ZNF518B: variants seen among roughly 807,000 people sequenced by gnomAD.
The protein encoded by ZNF518B is zinc finger protein 518B.
In ZNF518B, 23 loss-of-function variants were observed where a neutral mutation model predicts 56.3. The ratio of observed to expected loss-of-function variants is 0.41; its 90% CI spans 0.29 to 0.58. The LOEUF (loss-of-function observed/expected upper bound fraction) is 0.58. ZNF518B is among the 20% of genes least tolerant of loss of function. The probability of loss-of-function intolerance (pLI) is 0.32; values close to 1 mark genes in which losing one functional copy is unlikely to be tolerated. For synonymous variants in ZNF518B, 529 were observed against 465.9 expected, an observed-to-expected ratio of 1.14 and a Z score of -1.74; for missense variants, 1,460 against 1,272.1, an observed-to-expected ratio of 1.15 and a Z score of -2.25.
rs1577220987 is a variant in ZNF518B at position 10,444,575 on chromosome 4, G to A, written c.1754C>T (p.Thr585Ile). The A allele has an allele frequency of 5.6e-6, 9 of 1,614,008 alleles. No individual in the cohort carries two copies. Among genetic ancestry groups the A allele is most frequent in the Non-Finnish European group, 7.6e-6 (9 of 1,180,022 alleles). Reference sequence around the variant, plus strand: ...ATGTTGAGAGGAAATCTGGCCTACAGTTGAAACTGCCTTGTGTTCCTCTGT... The same window carrying A: ...ATGTTGAGAGGAAATCTGGCCTACAATTGAAACTGCCTTGTGTTCCTCTGT... The part of the protein sequence containing the change: ...NQTEEHKAVS[T>I]VGQISSQHKS... The change falls in exon 3 of 3, where the codon ACT becomes ATT. Residue 585 changes from threonine to isoleucine, a missense_variant. By Grantham distance (89) the Thr-to-Ile change is moderately conservative. Coordinates refer to ENST00000326756, the MANE Select transcript of ZNF518B (RefSeq NM_053042.3).
At chr4:10,458,325 T>C (rs990480047), upstream of ZNF518B, among the ~76,000 whole-genome samples, 1 of 152,030 alleles carries the variant, frequency 6.6e-6, no homozygotes, top group Admixed American at 6.5e-5. Context: ...AGCTAAAGTT[T>C]ATTTCAAAGC....
At chr4:10,448,581 T>C (rs1715169261) in intron 2 of ZNF518B, among the ~76,000 whole-genome samples, 1 of 151,980 alleles carries the variant, frequency 6.6e-6, no homozygotes, top group South Asian at 2.1e-4. Context: ...AATCAAGCCC[T>C]CAGTCAGACT....
Position 10,446,218 on chromosome 4 carries a change from T to A in ZNF518B, c.111A>T (p.Arg37Ser). 6.2e-7 allele frequency: 1 copy of A among 1,614,190 alleles called. No individual in the cohort carries two copies. Among genetic ancestry groups the A allele is most frequent in the Non-Finnish European group, 8.5e-7 (1 of 1,180,026 alleles). The change falls in exon 3 of 3, where the codon AGA becomes AGT. Residue 37 changes from arginine to serine, a missense_variant. Coordinates refer to ENST00000326756, the MANE Select transcript of ZNF518B (RefSeq NM_053042.3). Reference sequence around the variant, plus strand: ...GATACAAAAGGGTTTGTGCTTCTTGTCTATTTGGCCGAGGTGCTCCATTAG... The same window carrying A: ...GATACAAAAGGGTTTGTGCTTCTTGACTATTTGGCCGAGGTGCTCCATTAG... ...PDANGAPRPNRQEAQTLLYQG... is the reference protein window; with the variant it reads ...PDANGAPRPNSQEAQTLLYQG...
In ZNF518B at chr4:10,442,972, T is replaced by C; in HGVS notation, c.*132A>G. The C allele has an allele frequency of 2.5e-6, 2 of 804,960 alleles. No homozygotes were observed. The highest frequency in any genetic ancestry group is 1.9e-6 in the Non-Finnish European group (1 of 526,666). The allele number at this position is 804,960 out of a possible 1,614,324, so 49.9% of individuals were successfully genotyped here. A position where few individuals can be genotyped will look rare whatever the true frequency, so the allele number is the denominator to read the frequency against. On this transcript the variant is annotated 3_prime_UTR_variant, in exon 3 of 3. Coordinates refer to ENST00000326756, the MANE Select transcript of ZNF518B (RefSeq NM_053042.3). The stretch of plus-strand genomic sequence containing the variant: ...TCAGGTTCAGACTCCTAGCTCCCAA[T>C]ATTCCTACAGTTCTGAAGAATTAGC...
rs78432726 is a variant in ZNF518B, at chr4:10,454,790, G to A, written c.-212+15C>T. 0.055 allele frequency: 8,421 copies of A among 152,322 alleles called. 314 individuals are homozygous for A. Among genetic ancestry groups the A allele is most frequent in the Admixed American group, 0.12 (1,781 of 15,294 alleles). The allele number at this position is 152,322 out of a possible 1,614,324, so 9.4% of individuals were successfully genotyped here. A position where few individuals can be genotyped will look rare whatever the true frequency, so the allele number is the denominator to read the frequency against. Reference sequence around the variant, plus strand: ...CCATAGTCAGTATCTGCTGCCACTTGAGCACTGTTCTTACTTCCTGCCTGT... The same window carrying A: ...CCATAGTCAGTATCTGCTGCCACTTAAGCACTGTTCTTACTTCCTGCCTGT... On this transcript the variant is annotated intron_variant, in intron 2 of 2. Transcript: ENST00000326756.
In ZNF518B at chr4:10,446,339, T is replaced by C; in HGVS notation, c.-11A>G. 2 of 1,584,070 alleles carry C rather than the reference T, an allele frequency of 1.3e-6. No individual in the cohort carries two copies. Among genetic ancestry groups the C allele is most frequent in the Non-Finnish European group, 1.7e-6 (2 of 1,164,576 alleles). On this transcript the variant is annotated 5_prime_UTR_variant, in exon 3 of 3. It removes an upstream start codon present in the reference 5' UTR. Coordinates refer to ENST00000326756, the MANE Select transcript of ZNF518B (RefSeq NM_053042.3). ...TCCAATATCCTTCATCTTATCTGCATTTCTAAAAAGAGCCAACTAAAATTC... is the reference window on the plus strand; with the variant it reads ...TCCAATATCCTTCATCTTATCTGCACTTCTAAAAAGAGCCAACTAAAATTC...
Position 10,445,046 on chromosome 4 carries a change from T to A in ZNF518B, c.1283A>T (p.Gln428Leu), listed in dbSNP as rs1043517429. The change falls in exon 3 of 3, where the codon CAG becomes CTG. Residue 428 changes from glutamine to leucine, a missense_variant. Gln to Leu is a moderately radical substitution (Grantham distance 113). Coordinates refer to ENST00000326756, the MANE Select transcript of ZNF518B (RefSeq NM_053042.3). The part of the protein sequence containing the change: ...IDSFQPSVQK[Q>L]LKNVKWVRSY... Reference sequence around the variant, plus strand: ...CCTTACCCATTTCACATTTTTAAGCTGTTTCTGAACTGAAGGTTGAAAACT... The same window carrying A: ...CCTTACCCATTTCACATTTTTAAGCAGTTTCTGAACTGAAGGTTGAAAACT... 1 of 1,614,236 alleles carries A rather than the reference T, an allele frequency of 6.2e-7. No individual in the cohort carries two copies.
intron 2 of ZNF518B, 148 bp from the exon 3 acceptor site, chr4:10,446,687 A>G (rs991084802): frequency 6.8e-5 from 13 of 192,036 alleles, no homozygotes; most frequent in Non-Finnish European, 1.2e-4. Flanking sequence ...ATAACACAAC[A>G]GAGTTGGCAA....
chr4:10,456,938 A>T (rs894761209), intron 1 of ZNF518B, among the ~76,000 whole-genome samples: 3 of 150,032 alleles, frequency 2.0e-5, no homozygotes, highest in Admixed American at 1.3e-4. Context: ...GGACGCTGCC[A>T]CCCCCGCCTC....
Position 10,445,020 on chromosome 4 carries a change from A to C in ZNF518B, c.1309T>G (p.Ser437Ala). 6.2e-7 allele frequency: 1 copy of C among 1,614,190 alleles called. No homozygotes were observed. The highest frequency in any genetic ancestry group is 1.7e-5 in the Admixed American group (1 of 60,024). Residue 437 changes from serine (S) to alanine (A), a missense_variant, in exon 3 of 3, where the codon TCT becomes GCT. Ser to Ala is a moderately conservative substitution (Grantham distance 99, BLOSUM62 1). Coordinates refer to ENST00000326756, the MANE Select transcript of ZNF518B (RefSeq NM_053042.3). ...GAATTTGGCATAATAAAATCATAAG[A>C]CCTTACCCATTTCACATTTTTAAGC... ...KQLKNVKWVR[S>A]YDFIMPNSSV... is the part of the protein sequence containing the mutation.
rs1714831351 is a variant in ZNF518B, at chr4:10,444,086, A to T, written c.2243T>A (p.Phe748Tyr). 1 of 1,614,202 alleles carries T rather than the reference A, an allele frequency of 6.2e-7. No individual in the cohort carries two copies. Among genetic ancestry groups the T allele is most frequent in the East Asian group, 2.2e-5 (1 of 44,880 alleles). The change falls in exon 3 of 3, where the codon TTT becomes TAT. Residue 748 changes from phenylalanine to tyrosine, a missense_variant. Phe to Tyr is a conservative substitution (Grantham distance 22). Transcript: ENST00000326756. ...GGTTTTCCTATTACTGCCATCTGCAAAGTGTGGATATATTTGTTGATGAGT... is the reference window on the plus strand; with the variant it reads ...GGTTTTCCTATTACTGCCATCTGCATAGTGTGGATATATTTGTTGATGAGT... ...QLTHQQIYPH[F>Y]ADGSNRKTKS...
rs1715594763 is a variant in ZNF518B at position 10,457,402 on chromosome 4, G to A, written c.-481C>T. The stretch of plus-strand genomic sequence containing the variant: ...GACCGCCGGCGCCGCGCCCGCTGTA[G>A]GTCCCTACCCGGGGGGCGGAGCCCG... On this transcript the variant is annotated 5_prime_UTR_variant, in exon 1 of 3. Coordinates refer to ENST00000326756, the MANE Select transcript of ZNF518B (RefSeq NM_053042.3). The A allele has an allele frequency of 1.3e-5, 2 of 152,088 alleles. No individual in the cohort carries two copies. The highest frequency in any genetic ancestry group is 2.1e-4 in the South Asian group (1 of 4,830). 9.4% of individuals were successfully genotyped at this position (152,088 alleles called of 1,614,324 possible). A position where few individuals can be genotyped will look rare whatever the true frequency, so the allele number is the denominator to read the frequency against.
upstream of ZNF518B, among the ~76,000 whole-genome samples, chr4:10,460,756 C>G (rs1338993989): frequency 6.6e-6 from 1 of 152,114 alleles, no homozygotes; most frequent in Non-Finnish European, 1.5e-5. Flanking sequence ...CTTCATTACC[C>G]ACTTTTATAT....
chr4:10,449,726 A>C (rs1715225710), intron 2 of ZNF518B, among the ~76,000 whole-genome samples: 1 of 152,340 alleles, frequency 6.6e-6, no homozygotes, highest in Non-Finnish European at 1.5e-5. Flanking sequence ...TGTGAGAAAG[A>C]AACCTGCCTG....
chr4:10,445,983 T>C lies in ZNF518B; in HGVS notation c.346A>G (p.Asn116Asp). 2 of 1,614,202 alleles carry C rather than the reference T, an allele frequency of 1.2e-6. No individual in the cohort carries two copies. Among genetic ancestry groups the C allele is most frequent in the Non-Finnish European group, 1.7e-6 (2 of 1,180,030 alleles). The change falls in exon 3 of 3, where the codon AAC (asparagine) becomes GAC (aspartate). Residue 116 changes from asparagine (N) to aspartate (D), a missense_variant. Asn to Asp is a conservative substitution (Grantham distance 23). Transcript: ENST00000326756. Reference protein sequence around the residue: ...SATHVGNKTENFSSSVNSKFK... With the variant: ...SATHVGNKTEDFSSSVNSKFK... ...TTGCTATTGACAGAACTTGAGAAGT[T>C]TTCAGTTTTATTTCCAACATGAGTC...
At chr4:10,460,996 A>G (rs576925485), upstream of ZNF518B, among the ~76,000 whole-genome samples, 1 of 152,340 alleles carries the variant, frequency 6.6e-6, no homozygotes, top group Non-Finnish European at 1.5e-5. Context: ...CACATCTGTA[A>G]AGGAGGGATA....
intron 2 of ZNF518B, among the ~76,000 whole-genome samples, chr4:10,450,579 C>G (rs537437884): frequency 6.6e-6 from 1 of 152,130 alleles, no homozygotes; most frequent in Non-Finnish European, 1.5e-5. Flanking sequence ...CCTCTCAGCC[C>G]GTCCCTTCCA....
At chr4:10,457,020 A>C (rs1207538370) in intron 1 of ZNF518B, 6 of 149,170 alleles carry the variant, frequency 4.0e-5, no homozygotes, top group Admixed American at 1.3e-4. Context: ...GCCGGGCCGG[A>C]CCCCGACCCT....
At position 10,441,788 on chromosome 4, in the gene ZNF518B, T is replaced by C. The variant is rs1714692558; in HGVS notation, c.*1316A>G. On this transcript the variant is annotated 3_prime_UTR_variant, in exon 3 of 3. Coordinates refer to ENST00000326756, the MANE Select transcript of ZNF518B (RefSeq NM_053042.3). ...AGATAAATGACAGTCCTGACATCTG[T>C]TGGTAGAGAGGGGAGTGGAAGGAGT... 1 of 152,044 alleles carries C rather than the reference T, an allele frequency of 6.6e-6. No individual in the cohort carries two copies. The highest frequency in any genetic ancestry group is 2.4e-5 in the African/African-American group (1 of 41,342). 9.4% of individuals were successfully genotyped at this position (152,044 alleles called of 1,614,324 possible).
Sources: gnomAD v4.1 joint callset for allele counts (sites outside exome capture counted in the v4.1 genomes callset) on GRCh38, gnomAD v4.1.1 for gene constraint, MANE v1.5 for transcripts, NCBI Gene and HGNC (gene_info 2026-07-23, HGNC 2026-07-21) for gene names.